PLCXD1: variants seen among roughly 807,000 people sequenced by gnomAD.
The protein encoded by PLCXD1 is PI-PLC X domain-containing protein 1.
PLCXD1 carries 45 observed loss-of-function variants against 37.8 expected under a neutral mutation model. The observed-to-expected ratio is 1.19, with a 90% CI of 0.94 to 1.53. PLCXD1 has a LOEUF of 1.53. PLCXD1 is among the 40% of genes most tolerant of loss of function. The pLI, the probability that PLCXD1 is intolerant of heterozygous loss-of-function variation, is 0.00. For missense variants in PLCXD1, 539 were observed against 454.7 expected (o/e 1.19, Z -1.69); for synonymous variants, 246 against 206.9 (o/e 1.19, Z -1.62).
rs1410431764 is a variant in PLCXD1 at position 288,869 on chromosome X, G to C, written c.264G>C (p.Gln88His). The part of the protein sequence containing the change: ...RPVVLKWSVT[Q>H]ALDVTEQLDA... ...TCGTGCTGAAATGGTCCGTCACCCA[G>C]GTACGGTCTGTGCCCCGTGCTGCTG... The change falls in exon 3 of 7, where the codon CAG (glutamine) becomes CAC (histidine). Residue 88 changes from glutamine to histidine, a missense_variant and splice_region_variant. By Grantham distance (24) the Gln-to-His change is conservative (BLOSUM62 0). Transcript: ENST00000381657. 8 of 1,612,240 alleles carry C rather than the reference G, an allele frequency of 5.0e-6. No individual in the cohort carries two copies. The highest frequency in any genetic ancestry group is 5.1e-6 in the Non-Finnish European group (6 of 1,179,756).
chrX:290,245 T>A (rs778661230), intron 3 of PLCXD1, among the ~76,000 whole-genome samples: 3 of 152,062 alleles, frequency 2.0e-5, no homozygotes, highest in African/African-American at 7.2e-5. Context: ...GGCTAACATG[T>A]TGAAACCACA....
intron 2 of PLCXD1, among the ~76,000 whole-genome samples, chrX:287,393 GTATT>G (rs1166619484): frequency 1.4e-5 from 2 of 141,106 alleles, no homozygotes; most frequent in Non-Finnish European, 1.5e-5. Flanking sequence ...GCAAAAATAT[GTATT>G]TATGTAAATA....
chrX:296,103 T>C (rs184743796), intron 6 of PLCXD1, among the ~76,000 whole-genome samples: 13,786 of 151,760 alleles, frequency 0.091, 681 homozygotes, highest in Non-Finnish European at 0.11. Flanking sequence ...TGAGCCACTG[T>C]GCCCGGCCTT....
At chrX:294,800 T>A (rs1160276700) in intron 6 of PLCXD1, among the ~76,000 whole-genome samples, 1 of 151,504 alleles carries the variant, frequency 6.6e-6, no homozygotes, top group Non-Finnish European at 1.5e-5. Context: ...CGAGACTCTG[T>A]CTCAAAACAA....
At position 290,652 on chromosome X, in the gene PLCXD1, T is replaced by C; in HGVS notation, c.269T>C (p.Leu90Pro). 6.2e-7 allele frequency: 1 copy of C among 1,613,776 alleles called. No individual in the cohort carries two copies. Among genetic ancestry groups the C allele is most frequent in the East Asian group, 2.2e-5 (1 of 44,882 alleles). Residue 90 changes from leucine to proline, a missense_variant, in exon 4 of 7, where the codon CTG becomes CCG. Transcript: ENST00000381657. ...VVLKWSVTQALDVTEQLDAGV... is the reference protein window; with the variant it reads ...VVLKWSVTQAPDVTEQLDAGV... ...GACAGCAGCCTCTGTCCACAGGCAC[T>C]GGACGTCACAGAGCAGCTGGATGCC...
chrX:279,475 A>G (rs1015558865), upstream of PLCXD1, among the ~76,000 whole-genome samples: 3 of 152,194 alleles, frequency 2.0e-5, no homozygotes, highest in African/African-American at 7.2e-5. Flanking sequence ...CAATTGGTTG[A>G]AAGAGTTATT....
At position 288,593 on chromosome X, in the gene PLCXD1, G is replaced by A. The variant is rs1004490215; in HGVS notation, c.128-140G>A. The A allele has an allele frequency of 1.8e-5, 16 of 878,560 alleles. No individual in the cohort carries two copies. The African/African-American group carries it at 2.6e-4, about 14-fold the overall frequency. The allele number at this position is 878,560 out of a possible 1,614,324, so 54.4% of individuals were successfully genotyped here. ...CAGTGGACGTGAGTTTTGGGGGTCA[G>A]CGTGCACCCCTCCCGCCATACCTGT... On this transcript the variant is annotated intron_variant, in intron 2 of 6. Transcript: ENST00000381657.
chrX:285,147 C>A (rs1281338617), intron 2 of PLCXD1, among the ~76,000 whole-genome samples: 1 of 151,554 alleles, frequency 6.6e-6, no homozygotes, highest in Non-Finnish European at 1.5e-5. Context: ...CATGCATGCA[C>A]ACATGCACAT....
At position 299,363 on chromosome X, in the gene PLCXD1, G is replaced by A; in HGVS notation, c.*28G>A. 6.6e-7 allele frequency: 1 copy of A among 1,525,524 alleles called. No homozygotes were observed. The allele number at this position is 1,525,524 out of a possible 1,614,324, so 94.5% of individuals were successfully genotyped here. ...GGACCCTTCTGAAGTTCGGGACGCG[G>A]CGGCTGCAGTTTCACCCCCGAATTT... On this transcript the variant is annotated 3_prime_UTR_variant, in exon 7 of 7. Transcript: ENST00000381657.
chrX:286,445 A>G (rs1188399918), intron 2 of PLCXD1, among the ~76,000 whole-genome samples: 3 of 152,150 alleles, frequency 2.0e-5, no homozygotes, highest in Admixed American at 2.0e-4. Context: ...GTGATACTGT[A>G]GCAGGACCAG....
At chrX:276,536 G>A (rs994504833), upstream of PLCXD1, 1 of 152,310 alleles carries the variant, frequency 6.6e-6, no homozygotes, top group African/African-American at 2.4e-5. Context: ...GGGACCCTTA[G>A]CTGGGGGCAC....
chrX:277,908 G>A (rs867317189), upstream of PLCXD1, among the ~76,000 whole-genome samples: 1 of 58,392 alleles, frequency 1.7e-5, no homozygotes, highest in African/African-American at 7.3e-5. Context: ...CAGTGGTCAG[G>A]GGACCTGGGA....
chrX:288,610 C>A (rs1233991657), intron 2 of PLCXD1, 123 bp from the exon 3 acceptor site: 2 of 1,056,090 alleles, frequency 1.9e-6, no homozygotes, highest in Middle Eastern at 2.8e-4. Flanking sequence ...CCCCTCCCGC[C>A]ATACCTGTGC....
rs1489166916 is a variant in PLCXD1, at chrX:301,798, G to C, written c.*2463G>C. ...CCGCCACCGCGCCTGGCTAACTTTT[G>C]TATTTTTAGCAGAGATGGGGTTTCA... On this transcript the variant is annotated 3_prime_UTR_variant, in exon 7 of 7. Transcript: ENST00000381657. 1.3e-5 allele frequency: 2 copies of C among 152,038 alleles called. No homozygotes were observed. The highest frequency in any genetic ancestry group is 3.9e-4 in the East Asian group (2 of 5,174). The allele number at this position is 152,038 out of a possible 1,614,324, so 9.4% of individuals were successfully genotyped here.
chrX:292,444 G>A (rs1000893783), intron 5 of PLCXD1, among the ~76,000 whole-genome samples: 141 of 151,980 alleles, frequency 9.3e-4, no homozygotes, highest in African/African-American at 3.2e-3. Flanking sequence ...GGGAGACAGA[G>A]CGAGATCCGT....
intron 2 of PLCXD1, among the ~76,000 whole-genome samples, chrX:288,334 C>G (rs915769838): frequency 1.3e-5 from 2 of 151,148 alleles, no homozygotes. Context: ...GGGATCCTTC[C>G]TGCCTCTCCC....
In PLCXD1 at chrX:288,820, C is replaced by G. The variant is rs770131074; in HGVS notation, c.215C>G (p.Ala72Gly). The change falls in exon 3 of 7, where the codon GCC (alanine) becomes GGC (glycine). Residue 72 changes from alanine (A) to glycine (G), a missense_variant. By Grantham distance (60) the Ala-to-Gly change is moderately conservative. Coordinates refer to ENST00000381657, the MANE Select transcript of PLCXD1 (RefSeq NM_018390.4). The stretch of plus-strand genomic sequence containing the variant: ...CGGCTGCTGCAGCTGCTGAACAAGG[C>G]CTTGCCCTGCATCACGCGCCCTGTC... ...ESRLLQLLNK[A>G]LPCITRPVVL... The G allele has an allele frequency of 6.2e-7, 1 of 1,613,698 alleles. No homozygotes were observed. Among genetic ancestry groups the G allele is most frequent in the Admixed American group, 1.7e-5 (1 of 60,026 alleles).
At chrX:287,491 GATATAGAT>G (rs2069488804) in intron 2 of PLCXD1, among the ~76,000 whole-genome samples, 1 of 123,088 alleles carries the variant, frequency 8.1e-6, no homozygotes, top group African/African-American at 3.4e-5. Context: ...TTTATATATA[GATATAGAT>G]ACTATATATG....
chrX:294,794 ACT>A (rs1404506463), intron 6 of PLCXD1, among the ~76,000 whole-genome samples: 6 of 151,900 alleles, frequency 3.9e-5, no homozygotes, highest in Admixed American at 3.3e-4. Flanking sequence ...ACAGAGCGAG[ACT>A]CTGTCTCAAA....
Sources: gnomAD v4.1 joint callset for allele counts (sites outside exome capture counted in the v4.1 genomes callset) on GRCh38, gnomAD v4.1.1 for gene constraint, MANE v1.5 for transcripts, NCBI Gene and HGNC (gene_info 2026-07-23, HGNC 2026-07-21) for gene names.